AP2A2: variants seen among roughly 807,000 people sequenced by gnomAD.
The protein encoded by AP2A2 is adaptor related protein complex 2 subunit alpha 2, also known as AP-2 complex subunit alpha-2.
A neutral mutation model predicts 104.2 loss-of-function variants in AP2A2; 32 were observed. The ratio of observed to expected loss-of-function variants is 0.31; its 90% CI spans 0.23 to 0.41. AP2A2 has a LOEUF of 0.41. Ranked by LOEUF, AP2A2 falls within the 10% of genes least tolerant of loss-of-function variation. The pLI is 1.00. For missense variants in AP2A2, 912 were observed against 1,261.0 expected, an observed-to-expected ratio of 0.72 and a Z score of 4.19; for synonymous variants, 539 against 533.3, an observed-to-expected ratio of 1.01 and a Z score of -0.15.
chr11:936,996 G>A (rs1235642208), intron 1 of AP2A2, among the ~76,000 whole-genome samples: 2 of 152,028 alleles, frequency 1.3e-5, no homozygotes, highest in Non-Finnish European at 2.9e-5. Flanking sequence ...CTGCTCCAGG[G>A]AGTTTCCTTT....
At position 988,650 on chromosome 11, in the gene AP2A2, C is replaced by T. The variant is rs201537556; in HGVS notation, c.1230C>T (p.Ser410=). The change falls in exon 10 of 22, where the codon AGC becomes AGT. Residue 410 remains serine (S), a synonymous_variant. Transcript: ENST00000448903. ...NAPQIVAEML[S]YLETADYSIR... ...CACAGATCGTGGCCGAGATGCTGAG[C>T]TATCTGGAGACAGCTGACTACTCCA... 2.1e-5 allele frequency: 34 copies of T among 1,613,796 alleles called. No homozygotes were observed. The African/African-American group carries it at 3.3e-4, about 16-fold the overall frequency.
intron 1 of AP2A2, among the ~76,000 whole-genome samples, chr11:948,187 G>A (rs899595499): frequency 1.3e-5 from 2 of 152,168 alleles, no homozygotes; most frequent in African/African-American, 4.8e-5. Flanking sequence ...TATTTGAAAA[G>A]ATCATCAAAA....
chr11:976,622 C>T (rs574394022), intron 4 of AP2A2, among the ~76,000 whole-genome samples: 25 of 151,998 alleles, frequency 1.6e-4, no homozygotes, highest in African/African-American at 4.3e-4. Flanking sequence ...TGTAGGGACC[C>T]GAAGCCCTTT....
intron 14 of AP2A2, chr11:995,292 C>G (rs565309038): frequency 2.2e-6 from 1 of 455,702 alleles, no homozygotes; most frequent in Admixed American, 2.4e-5. Flanking sequence ...ATGTGTGATG[C>G]GATGAGAATA....
At chr11:999,177 T>C (rs1033028742) in intron 14 of AP2A2, among the ~76,000 whole-genome samples, 23 of 152,052 alleles carry the variant, frequency 1.5e-4, no homozygotes, top group Non-Finnish European at 1.2e-4. Flanking sequence ...TGCCCTGTTG[T>C]GAGAGTTTAA....
intron 1 of AP2A2, among the ~76,000 whole-genome samples, chr11:928,369 T>TG (rs1287649937): frequency 2.2e-4 from 33 of 152,316 alleles, no homozygotes; most frequent in African/African-American, 7.2e-4. Flanking sequence ...TAGGTATGTG[T>TG]GGGAAAAAAG....
At chr11:996,714 T>A (rs1359758543) in intron 14 of AP2A2, among the ~76,000 whole-genome samples, 1 of 152,026 alleles carries the variant, frequency 6.6e-6, no homozygotes, top group Non-Finnish European at 1.5e-5. Context: ...TTGGAGGGAG[T>A]TCCCCCTTCA....
chr11:980,592 G>T (rs1319906631), intron 5 of AP2A2, among the ~76,000 whole-genome samples: 2 of 152,146 alleles, frequency 1.3e-5, no homozygotes, highest in African/African-American at 4.8e-5. Context: ...GACTGCTTGT[G>T]CCCTGGGATC....
chr11:953,805 G>A (rs1277146004), intron 1 of AP2A2, among the ~76,000 whole-genome samples: 2 of 151,616 alleles, frequency 1.3e-5, no homozygotes, highest in East Asian at 3.9e-4. Flanking sequence ...GTCTGGCCGA[G>A]ACGTGACACT....
chr11:1,002,642 C>T (rs1856066142), intron 15 of AP2A2, among the ~76,000 whole-genome samples: 1 of 152,260 alleles, frequency 6.6e-6, no homozygotes, highest in African/African-American at 2.4e-5. Flanking sequence ...GGCCGCCTGT[C>T]ACTGCCCCTT....
At chr11:983,620 T>C (rs760528795) in intron 6 of AP2A2, among the ~76,000 whole-genome samples, 1 of 151,724 alleles carries the variant, frequency 6.6e-6, no homozygotes, top group Non-Finnish European at 1.5e-5. Flanking sequence ...CCTGACCTTG[T>C]GATCCGCCCG....
At chr11:1,008,375 A>G in intron 18 of AP2A2, 2 of 536,270 alleles carry the variant, frequency 3.7e-6, no homozygotes, top group Non-Finnish European at 6.2e-6. Context: ...GGGCCTTGCT[A>G]GGATCTTTCT....
At chr11:998,294 A>G (rs1466413137) in intron 14 of AP2A2, among the ~76,000 whole-genome samples, 1 of 146,036 alleles carries the variant, frequency 6.8e-6, no homozygotes, top group Non-Finnish European at 1.5e-5. Context: ...CCCGTTTCTG[A>G]CTGCCCCCCA....
At chr11:944,531 A>G (rs1357495045) in intron 1 of AP2A2, among the ~76,000 whole-genome samples, 1 of 152,202 alleles carries the variant, frequency 6.6e-6, no homozygotes, top group Non-Finnish European at 1.5e-5. Flanking sequence ...ATATCATTCT[A>G]GTGGATAGAG....
Position 968,441 on chromosome 11 carries a change from C to T in AP2A2, c.137-1728C>T, listed in dbSNP as rs1300164150. 4.6e-5 allele frequency among the ~76,000 whole-genome samples: 2 copies of T among 43,820 alleles called. No homozygotes were observed. Among genetic ancestry groups the T allele is most frequent in the South Asian group, 8.7e-4 (2 of 2,306 alleles). The allele number at this position is 43,820 out of a possible 152,430, so 28.7% of individuals were successfully genotyped here. A position where few individuals can be genotyped will look rare whatever the true frequency, so the allele number is the denominator to read the frequency against. ...CCGTCTCCGCCCCTGTTCCCATCCC[C>T]GTCTCCATCCCCGTCCCCATCCCTG... On this transcript the variant is annotated intron_variant, in intron 2 of 21. Transcript: ENST00000448903. The surrounding 1 kb of genome is among the most constrained non-coding windows in gnomAD (Gnocchi z 4.2).
intron 1 of AP2A2, chr11:932,644 A>G (rs934029895): frequency 2.2e-6 from 1 of 454,056 alleles, no homozygotes; most frequent in South Asian, 1.6e-5. Flanking sequence ...AGTTTAGGAA[A>G]TGTGTCATGG....
chr11:961,619 G>A (rs1291999696), intron 2 of AP2A2, among the ~76,000 whole-genome samples: 1 of 109,388 alleles, frequency 9.1e-6, no homozygotes, highest in Non-Finnish European at 2.1e-5. Context: ...ATGGAGATGT[G>A]GGTCTGACAG....
intron 14 of AP2A2, 65 bp downstream of exon 14, chr11:994,310 C>A: frequency 1.3e-6 from 2 of 1,578,190 alleles, no homozygotes; most frequent in Non-Finnish European, 1.7e-6. Flanking sequence ...TTGGGACCAG[C>A]AGAGCATTTG....
chr11:938,725 TG>T (rs1564781930), intron 1 of AP2A2, among the ~76,000 whole-genome samples: 1 of 152,056 alleles, frequency 6.6e-6, no homozygotes, highest in Non-Finnish European at 1.5e-5. Context: ...CTGCCCGCCT[TG>T]GCCTCCTGAA....
Sources: gnomAD v4.1 joint callset for allele counts (sites outside exome capture counted in the v4.1 genomes callset) on GRCh38, gnomAD v4.1.1 for gene constraint, Gnocchi (gnomAD v3.1) non-coding constraint, MANE v1.5 for transcripts, NCBI Gene and HGNC (gene_info 2026-07-23, HGNC 2026-07-21) for gene names.